PLEK: variants seen among roughly 807,000 people sequenced by gnomAD.
PLEK encodes the protein platelet 47 kDa protein.
A neutral mutation model predicts 43.9 loss-of-function variants in PLEK; 25 were observed. The ratio of observed to expected loss-of-function variants is 0.57; its 90% CI spans 0.41 to 0.79. The LOEUF (loss-of-function observed/expected upper bound fraction) is 0.79. Among genes scored for constraint, PLEK ranks in the 30% least tolerant of loss-of-function variants. The probability of loss-of-function intolerance (pLI) is 0.00; values close to 1 mark genes in which losing one functional copy is unlikely to be tolerated. For missense variants in PLEK, 396 were observed against 413.3 expected (o/e 0.96, Z 0.36); for synonymous variants, 152 against 144.4 (o/e 1.05, Z -0.38).
At chr2:68,387,786 T>G (rs2902068) in intron 5 of PLEK, among the ~76,000 whole-genome samples, 40,025 of 151,862 alleles carry the variant, frequency 0.26, 5,536 homozygotes, top group Middle Eastern at 0.36. Context: ...GTTTTTTTTT[T>G]TTCTTCAGTC....
chr2:68,390,075 C>G (rs979447216), intron 6 of PLEK, among the ~76,000 whole-genome samples: 1 of 152,066 alleles, frequency 6.6e-6, no homozygotes, highest in South Asian at 2.1e-4. Context: ...ACTGGAGCCA[C>G]GTCTCAGTGA....
chr2:68,383,831 G>A (rs1673681824), intron 4 of PLEK, among the ~76,000 whole-genome samples: 1 of 152,174 alleles, frequency 6.6e-6, no homozygotes, highest in South Asian at 2.1e-4. Context: ...GATCAGCAAG[G>A]CTAAGGGGAA....
At chr2:68,366,855 TTTTG>T (rs546943503) in intron 1 of PLEK, among the ~76,000 whole-genome samples, 174 of 152,336 alleles carry the variant, frequency 1.1e-3, no homozygotes, top group Non-Finnish European at 2.1e-3. Context: ...TTCTGCAAGT[TTTTG>T]TTTGTTTTTT....
At chr2:68,371,703 G>A (rs72892073) in intron 1 of PLEK, among the ~76,000 whole-genome samples, 3,522 of 152,218 alleles carry the variant, frequency 0.023, 68 homozygotes, top group Admixed American at 0.069. Flanking sequence ...CAGAGCCCAT[G>A]GTCACCTGCA....
rs776095710 is a variant in PLEK at position 68,386,660 on chromosome 2, G to A, written c.631G>A (p.Asp211Asn). The A allele has an allele frequency of 2.5e-6, 4 of 1,613,640 alleles. No individual in the cohort carries two copies. The South Asian group carries it at 4.4e-5, about 18-fold the overall frequency. The change falls in exon 5 of 9, where the codon GAC (aspartate) becomes AAC (asparagine). Residue 211 changes from aspartate (D) to asparagine (N), a missense_variant. By Grantham distance (23) the Asp-to-Asn change is conservative. Coordinates refer to ENST00000234313, the MANE Select transcript of PLEK (RefSeq NM_002664.3). ...VDGTAENPFLDNPDAFYYFPD... is the reference protein window; with the variant it reads ...VDGTAENPFLNNPDAFYYFPD... Reference sequence around the variant, plus strand: ...TGGAACTGCTGAAAACCCTTTCCTGGACAACCCTGATGCCTTCTACTACTT... The same window carrying A: ...TGGAACTGCTGAAAACCCTTTCCTGAACAACCCTGATGCCTTCTACTACTT...
intron 1 of PLEK, among the ~76,000 whole-genome samples, chr2:68,379,214 A>G (rs945999870): frequency 6.6e-6 from 1 of 152,204 alleles, no homozygotes; most frequent in African/African-American, 2.4e-5. Context: ...GATTCAGCCA[A>G]CCATCTCAGC....
At position 68,380,382 on chromosome 2, in the gene PLEK, A is replaced by C; in HGVS notation, c.97A>C (p.Ile33Leu). 1 of 1,613,490 alleles carries C rather than the reference A, an allele frequency of 6.2e-7. No individual in the cohort carries two copies. Among genetic ancestry groups the C allele is most frequent in the Non-Finnish European group, 8.5e-7 (1 of 1,179,384 alleles). ...PMWVVLLEDG[I>L]EFYKKKSDNS... ...GTGGGTTGTATTGTTAGAAGATGGA[A>C]TTGAATTCTATAAGAAGAAAAGTGA... Residue 33 changes from isoleucine (I) to leucine (L), a missense_variant, in exon 2 of 9, where the codon ATT (isoleucine) becomes CTT (leucine). Transcript: ENST00000234313.
rs1181039719 is a variant in PLEK, at chr2:68,382,758, G to A, written c.472+125G>A. 1.6e-5 allele frequency: 10 copies of A among 613,026 alleles called. No individual in the cohort carries two copies. In the East Asian group the frequency reaches 2.6e-4, roughly 16 times the overall value. 38.0% of individuals were successfully genotyped at this position (613,026 alleles called of 1,614,324 possible). ...GGAAGGGGTCCCAGAATGCAGCCTG[G>A]TGAGCCTGAGGATGAAGCTCCTACA... On this transcript the variant is annotated intron_variant, in intron 4 of 8. Transcript: ENST00000234313.
chr2:68,372,389 T>G (rs1317103289), intron 1 of PLEK, among the ~76,000 whole-genome samples: 2 of 152,166 alleles, frequency 1.3e-5, no homozygotes, highest in Admixed American at 6.5e-5. Flanking sequence ...TTGGCCAGGC[T>G]GGTCTCAAAC....
At chr2:68,374,293 T>C (rs1673462941) in intron 1 of PLEK, among the ~76,000 whole-genome samples, 1 of 152,200 alleles carries the variant, frequency 6.6e-6, no homozygotes, top group Admixed American at 6.6e-5. Context: ...CCTTTTACAT[T>C]CAAATGATGC....
chr2:68,394,030 G>A, intron 7 of PLEK, 77 bp from the exon 8 acceptor site: 1 of 943,976 alleles, frequency 1.1e-6, no homozygotes, highest in Admixed American at 1.7e-5. Context: ...AGTGAGTCTG[G>A]CTTTTTCACC....
At chr2:68,383,604 C>A (rs1356517902) in intron 4 of PLEK, among the ~76,000 whole-genome samples, 1 of 151,982 alleles carries the variant, frequency 6.6e-6, no homozygotes, top group Non-Finnish European at 1.5e-5. Flanking sequence ...GAATATGCAT[C>A]TAGAAAAAGA....
At chr2:68,386,026 G>A (rs1248514286) in intron 4 of PLEK, among the ~76,000 whole-genome samples, 1 of 151,688 alleles carries the variant, frequency 6.6e-6, no homozygotes, top group Non-Finnish European at 1.5e-5. Flanking sequence ...TTTGATGCAT[G>A]TGTTGCTTTT....
At position 68,369,464 on chromosome 2, in the gene PLEK, T is replaced by C. The variant is rs1263760857; in HGVS notation, c.42+4071T>C. 2.6e-5 allele frequency among the ~76,000 whole-genome samples: 4 copies of C among 151,438 alleles called. No individual in the cohort carries two copies. The East Asian group carries it at 7.8e-4, about 29-fold the overall frequency. On this transcript the variant is annotated intron_variant, in intron 1 of 8. Transcript: ENST00000234313. ...TTATGCCAGAGCGACTCCACAGTGT[T>C]GCCTACAAAACCGTACTCTTTTTTT...
In PLEK at chr2:68,395,869, A is replaced by G. The variant is rs1291645029; in HGVS notation, c.*53A>G. 1.3e-6 allele frequency: 2 copies of G among 1,507,268 alleles called. No homozygotes were observed. The highest frequency in any genetic ancestry group is 2.8e-5 in the African/African-American group (2 of 72,314). 93.4% of individuals were successfully genotyped at this position (1,507,268 alleles called of 1,614,324 possible). On this transcript the variant is annotated 3_prime_UTR_variant, in exon 9 of 9. Coordinates refer to ENST00000234313, the MANE Select transcript of PLEK (RefSeq NM_002664.3). ...CTGAGGGAAGCCCATGGACAAGCTCAGTCCAGGACCTGTCCACTTCTGTGA... is the reference window on the plus strand; with the variant it reads ...CTGAGGGAAGCCCATGGACAAGCTCGGTCCAGGACCTGTCCACTTCTGTGA...
At chr2:68,377,533 A>T (rs1391673965) in intron 1 of PLEK, among the ~76,000 whole-genome samples, 3 of 152,152 alleles carry the variant, frequency 2.0e-5, no homozygotes, top group Non-Finnish European at 4.4e-5. Context: ...GATGTTGAGC[A>T]CCTTTTCATA....
At chr2:68,389,790 G>A (rs1673824183) in intron 6 of PLEK, among the ~76,000 whole-genome samples, 1 of 152,088 alleles carries the variant, frequency 6.6e-6, no homozygotes, top group African/African-American at 2.4e-5. Context: ...GAAGGCTCGG[G>A]CAGTTGCCTA....
At chr2:68,385,563 C>T (rs890460685) in intron 4 of PLEK, among the ~76,000 whole-genome samples, 1 of 151,922 alleles carries the variant, frequency 6.6e-6, no homozygotes, top group Non-Finnish European at 1.5e-5. Flanking sequence ...CTTCACCTCC[C>T]TCCTCCTCTT....
chr2:68,396,533 A>T lies in PLEK; in HGVS notation c.*717A>T, dbSNP rs1427107636. 1 of 152,170 alleles carries T rather than the reference A, an allele frequency of 6.6e-6. No individual in the cohort carries two copies. The highest frequency in any genetic ancestry group is 1.9e-4 in the East Asian group (1 of 5,178). 9.4% of individuals were successfully genotyped at this position (152,170 alleles called of 1,614,324 possible). Reference sequence around the variant, plus strand: ...GGGAAAGAGACCTGGGGAGGCCAGGAGTAGCTGAGGGTCCTTTCTGTGCCC... The same window carrying T: ...GGGAAAGAGACCTGGGGAGGCCAGGTGTAGCTGAGGGTCCTTTCTGTGCCC... On this transcript the variant is annotated 3_prime_UTR_variant, in exon 9 of 9. Transcript: ENST00000234313.
Sources: allele counts gnomAD v4.1 joint callset (sites outside exome capture counted in the v4.1 genomes callset), GRCh38; gene constraint gnomAD v4.1.1; transcripts MANE v1.5; gene names NCBI Gene and HGNC (gene_info 2026-07-23, HGNC 2026-07-21).